Variants in IRS1 observed in about 807,000 individuals in gnomAD.
The protein encoded by IRS1 is insulin receptor substrate 1.
IRS1 carries 34 observed loss-of-function variants against 65.6 expected under a neutral mutation model. The ratio of observed to expected loss-of-function variants is 0.52; its 90% CI spans 0.39 to 0.69. The LOEUF is 0.69. Ranked by LOEUF, IRS1 falls within the 30% of genes least tolerant of loss-of-function variation. The pLI is 0.00. For synonymous variants in IRS1, 699 were observed against 683.5 expected (o/e 1.02, Z -0.35); for missense variants, 1,641 against 1,720.2 (o/e 0.95, Z 0.81).
intron 1 of IRS1, among the ~76,000 whole-genome samples, chr2:226,744,256 T>G (rs1477275765): frequency 1.8e-4 from 27 of 152,222 alleles, no homozygotes; most frequent in Admixed American, 1.7e-3. Flanking sequence ...TAATATGGGT[T>G]GTGGTTCACT....
At chr2:226,785,316 T>C (rs868084319) in intron 1 of IRS1, among the ~76,000 whole-genome samples, 3 of 152,098 alleles carry the variant, frequency 2.0e-5, no homozygotes, top group Admixed American at 6.5e-5. Context: ...TTAAGACACT[T>C]TTCTGGCCAG....
At chr2:226,791,724 G>A (rs1316642256) in intron 1 of IRS1, among the ~76,000 whole-genome samples, 7 of 151,856 alleles carry the variant, frequency 4.6e-5, no homozygotes, top group South Asian at 2.1e-4. Context: ...GATTGGCTGT[G>A]GTGGGGGCCA....
At position 226,760,272 on chromosome 2, in the gene IRS1, T is replaced by A. The variant is rs936348979; in HGVS notation, c.*22-24022A>T. On this transcript the variant is annotated intron_variant, in intron 1 of 1. Transcript: ENST00000305123. ...TAAATTTTTTTCTTTTTTTGTCTTA[T>A]TGCAAGATTAAAAATTAATTTTAAA... Among the ~76,000 whole-genome samples the A allele has an allele frequency of 3.7e-4, 56 of 152,314 alleles. 1 individual carries two copies. Among genetic ancestry groups the A allele is most frequent in the Non-Finnish European group, 8.8e-5 (6 of 68,024 alleles).
Position 226,796,079 on chromosome 2 carries a change from G to A in IRS1, c.2660C>T (p.Pro887Leu). The A allele has an allele frequency of 6.2e-7, 1 of 1,613,938 alleles. No homozygotes were observed. The highest frequency in any genetic ancestry group is 8.5e-7 in the Non-Finnish European group (1 of 1,180,048). Reference protein sequence around the residue: ...QQQQQQPLLHPPEPKSPGEYV... With the variant: ...QQQQQQPLLHLPEPKSPGEYV... ...TTCCCCCGGGCTCTTGGGCTCTGGA[G>A]GGTGCAGCAAGGGCTGCTGCTGCTG... Residue 887 changes from proline to leucine, a missense_variant, in exon 1 of 2, where the codon CCT (proline) becomes CTT (leucine). Coordinates refer to ENST00000305123, the MANE Select transcript of IRS1 (RefSeq NM_005544.3).
At chr2:226,787,323 A>T (rs1190839977) in intron 1 of IRS1, among the ~76,000 whole-genome samples, 2 of 152,210 alleles carry the variant, frequency 1.3e-5, no homozygotes, top group Non-Finnish European at 2.9e-5. Flanking sequence ...AGCCATGGTT[A>T]GAAAGATTCA....
At chr2:226,769,124 A>G (rs1037718247) in intron 1 of IRS1, among the ~76,000 whole-genome samples, 5 of 152,240 alleles carry the variant, frequency 3.3e-5, no homozygotes, top group Non-Finnish European at 7.3e-5. Context: ...GAACCTAGAA[A>G]CTAGTAATAG....
Position 226,795,657 on chromosome 2 carries a change from T to C in IRS1, c.3082A>G (p.Arg1028Gly). The change falls in exon 1 of 2, where the codon AGG becomes GGG. Residue 1028 changes from arginine to glycine, a missense_variant. Around this residue, in one of 3 missense-constraint regions of IRS1, gnomAD observed 1,324 missense variants for 1,361.0 expected, o/e 0.97. Transcript: ENST00000305123. ...GAGGAGGCAGCAGCCATGGTGGCCC[T>C]GGGCAGGCTCACCTCCTCTGCAGCA... ...GIAAEEVSLPRATMAAASSSS... is the reference protein window; with the variant it reads ...GIAAEEVSLPGATMAAASSSS... The C allele has an allele frequency of 6.2e-7, 1 of 1,613,032 alleles. No homozygotes were observed. Among genetic ancestry groups the C allele is most frequent in the South Asian group, 1.1e-5 (1 of 91,082 alleles).
intron 1 of IRS1, among the ~76,000 whole-genome samples, chr2:226,786,928 C>G (rs1313403486): frequency 6.6e-6 from 1 of 151,898 alleles, no homozygotes; most frequent in Non-Finnish European, 1.5e-5. Context: ...AAGCAAGGAA[C>G]CACAGTTCAA....
rs1938221847 is a variant in IRS1, at chr2:226,731,572, A to C, written c.*4700T>G. 1 of 152,230 alleles carries C rather than the reference A, an allele frequency of 6.6e-6. No homozygotes were observed. The highest frequency in any genetic ancestry group is 2.1e-4 in the South Asian group (1 of 4,830). 9.4% of individuals were successfully genotyped at this position (152,230 alleles called of 1,614,324 possible). On this transcript the variant is annotated 3_prime_UTR_variant, in exon 2 of 2. Transcript: ENST00000305123. The stretch of plus-strand genomic sequence containing the variant: ...CTGGCCTGGCACCCATTACATATAT[A>C]CATAATACATGTTATAAACATATAT...
rs1490732590 is a variant in IRS1 at position 226,798,552 on chromosome 2, A to C, written c.187T>G (p.Ser63Ala). ...WRHKSSAPKR[S>A]IPLESCFNIN... ...TTGAAGCAGCTCTCAAGGGGGATCG[A>C]GCGTTTGGGGGCGCTCGACTTGTGC... Residue 63 changes from serine to alanine, a missense_variant, in exon 1 of 2, where the codon TCG (serine) becomes GCG (alanine). Physicochemically the swap from Ser to Ala is moderately conservative, Grantham distance 99. Transcript: ENST00000305123. The surrounding 1 kb of genome is among the most constrained non-coding windows in gnomAD (Gnocchi z 9.4). 6.2e-7 allele frequency: 1 copy of C among 1,613,750 alleles called. No individual in the cohort carries two copies. Among genetic ancestry groups the C allele is most frequent in the Non-Finnish European group, 8.5e-7 (1 of 1,179,996 alleles).
intron 1 of IRS1, among the ~76,000 whole-genome samples, chr2:226,752,863 G>A (rs780696906): frequency 2.6e-5 from 4 of 152,132 alleles, no homozygotes; most frequent in Non-Finnish European, 5.9e-5. Flanking sequence ...GTGGGACCTC[G>A]GGCACTTGAT....
intron 1 of IRS1, among the ~76,000 whole-genome samples, chr2:226,739,948 G>A (rs9653366): frequency 0.066 from 10,124 of 152,304 alleles, 482 homozygotes; most frequent in East Asian, 0.19. Context: ...CCGCATAGGC[G>A]TACATATGTT....
chr2:226,770,368 A>T (rs1939139126), intron 1 of IRS1, among the ~76,000 whole-genome samples: 2 of 152,232 alleles, frequency 1.3e-5, no homozygotes. Context: ...TACATTGTTC[A>T]TAAACTCCTC....
In IRS1 at chr2:226,781,422, C is replaced by T. The variant is rs16822628; in HGVS notation, c.*21+13567G>A. Among the ~76,000 whole-genome samples, 266 of 152,064 alleles carry T rather than the reference C, an allele frequency of 1.7e-3. 8 individuals are homozygous for T. The East Asian group carries it at 0.048, about 28-fold the overall frequency. On this transcript the variant is annotated intron_variant, in intron 1 of 1. Transcript: ENST00000305123. ...TCCTGAGTTGGGGTAGGGAGGGAGC[C>T]GTGGAATAGGGCTCTATTCATAGAG...
At chr2:226,791,763 G>T (rs909737675) in intron 1 of IRS1, among the ~76,000 whole-genome samples, 2 of 151,912 alleles carry the variant, frequency 1.3e-5, no homozygotes, top group African/African-American at 4.8e-5. Flanking sequence ...CGCCCGCCCG[G>T]GACCCAGAGC....
Position 226,799,258 on chromosome 2 carries a change from GTTC to G in IRS1, c.-523_-521del. 8.7e-7 allele frequency: 1 copy of G among 1,143,408 alleles called. No homozygotes were observed. Among genetic ancestry groups the G allele is most frequent in the African/African-American group, 1.7e-5 (1 of 58,710 alleles). The allele number at this position is 1,143,408 out of a possible 1,614,324, so 70.8% of individuals were successfully genotyped here. A position where few individuals can be genotyped will look rare whatever the true frequency, so the allele number is the denominator to read the frequency against. ...TTGCCAAGTCCCAACGTTGCACGGG[GTTC>G]TCCCTCCTCCTTCGCCTCCTCCCAC... On this transcript the variant is annotated 5_prime_UTR_variant, in exon 1 of 2. Coordinates refer to ENST00000305123, the MANE Select transcript of IRS1 (RefSeq NM_005544.3). This position sits in a 1 kb window ranked among gnomAD's most constrained non-coding sequence, Gnocchi z 6.1.
intron 1 of IRS1, among the ~76,000 whole-genome samples, chr2:226,745,626 C>T (rs1938526570): frequency 6.6e-6 from 1 of 152,210 alleles, no homozygotes; most frequent in African/African-American, 2.4e-5. Context: ...ACAGGGTTCT[C>T]GTTGAGATTA....
chr2:226,795,238 A>T lies in IRS1; in HGVS notation c.3501T>A (p.Cys1167Ter). 1 of 1,613,950 alleles carries T rather than the reference A, an allele frequency of 6.2e-7. No individual in the cohort carries two copies. The highest frequency in any genetic ancestry group is 8.5e-7 in the Non-Finnish European group (1 of 1,179,980). Reference sequence around the variant, plus strand: ...CATTCTCCAAACCCCCAGCAGCCCCACACAGTTTGGCTGGCTCCTTGGGGG... The same window carrying T: ...CATTCTCCAAACCCCCAGCAGCCCCTCACAGTTTGGCTGGCTCCTTGGGGG... ...GGAPKEPAKL[C>*]GAAGGLENGL... The change falls in exon 1 of 2, where the codon TGT becomes TGA. Residue 1167 changes from cysteine to a stop codon, truncating the protein, a stop_gained. Transcript: ENST00000305123. LOFTEE classifies it high-confidence loss of function.
intron 1 of IRS1, among the ~76,000 whole-genome samples, chr2:226,738,136 A>G (rs186428834): frequency 2.0e-5 from 3 of 152,240 alleles, no homozygotes; most frequent in Non-Finnish European, 4.4e-5. Flanking sequence ...CTACATTGAC[A>G]TAAGGTCAAG....
Sources: gnomAD v4.1 joint callset for allele counts (sites outside exome capture counted in the v4.1 genomes callset) on GRCh38, gnomAD v4.1.1 for gene constraint, gnomAD v4.1.1 regional missense constraint, Gnocchi (gnomAD v3.1) non-coding constraint, MANE v1.5 for transcripts, NCBI Gene and HGNC (gene_info 2026-07-23, HGNC 2026-07-21) for gene names.